The following LRBA variants were observed in gnomAD, a reference collection of about 807,000 sequenced individuals.
LRBA encodes lipopolysaccharide-responsive and beige-like anchor protein.
LRBA carries 176 observed loss-of-function variants against 330.0 expected under a neutral mutation model. That is an observed-to-expected ratio of 0.53 (90% confidence interval 0.47 to 0.60). The LOEUF (loss-of-function observed/expected upper bound fraction) is 0.60, where lower values mean the gene tolerates loss of function less well. LRBA is among the 20% of genes least tolerant of loss of function. The probability of loss-of-function intolerance (pLI) is 0.00; values close to 1 mark genes in which losing one functional copy is unlikely to be tolerated. For missense variants in LRBA, 3,259 were observed against 3,444.8 expected, an observed-to-expected ratio of 0.95 and a Z score of 1.35; for synonymous variants, 1,230 against 1,193.0, an observed-to-expected ratio of 1.03 and a Z score of -0.64.
intron 35 of LRBA, among the ~76,000 whole-genome samples, chr4:150,742,546 T>C (rs550599448): frequency 1.3e-5 from 2 of 152,156 alleles, no homozygotes; most frequent in Non-Finnish European, 2.9e-5. Flanking sequence ...AACAATGACA[T>C]GAACTTACTC....
At chr4:150,330,067 A>T (rs1285814482) in intron 48 of LRBA, among the ~76,000 whole-genome samples, 2 of 152,140 alleles carry the variant, frequency 1.3e-5, no homozygotes, top group Admixed American at 6.5e-5. Flanking sequence ...TCTTCAAGTG[A>T]TTCCAGTAAT....
At chr4:150,368,900 C>T (rs912969609) in intron 47 of LRBA, among the ~76,000 whole-genome samples, 2 of 152,120 alleles carry the variant, frequency 1.3e-5, no homozygotes, top group African/African-American at 2.4e-5. Context: ...GTTTCACTGG[C>T]ACATAGCCTG....
chr4:150,348,039 A>T (rs180931684), intron 48 of LRBA, among the ~76,000 whole-genome samples: 1 of 152,226 alleles, frequency 6.6e-6, no homozygotes, highest in Admixed American at 6.5e-5. Flanking sequence ...TCAATGTACA[A>T]TAACTACATA....
rs552143425 is a variant in LRBA, at chr4:150,775,186, C to T, written c.5581-13339G>A. Among the ~76,000 whole-genome samples the T allele has an allele frequency of 9.9e-5, 15 of 152,206 alleles. No homozygotes were observed. In the South Asian group the frequency reaches 2.1e-3, roughly 21 times the overall value. On this transcript the variant is annotated intron_variant, in intron 34 of 56. Transcript: ENST00000651943. ...GGTCTGATCTACAAAGAAGGGTAGT[C>T]GTAGAGCTCTTCAAGAAAGCTGAGC...
At chr4:150,344,620 G>A (rs1736028049) in intron 48 of LRBA, among the ~76,000 whole-genome samples, 1 of 152,156 alleles carries the variant, frequency 6.6e-6, no homozygotes, top group Non-Finnish European at 1.5e-5. Flanking sequence ...GGAGTGCAAT[G>A]GCAGGATCAT....
intron 56 of LRBA, among the ~76,000 whole-genome samples, chr4:150,269,249 T>G (rs1228859315): frequency 1.3e-5 from 2 of 152,234 alleles, no homozygotes; most frequent in South Asian, 2.1e-4. Flanking sequence ...ATTTGAAAAC[T>G]TACTTACTGT....
intron 40 of LRBA, among the ~76,000 whole-genome samples, chr4:150,500,460 C>G (rs1444261516): frequency 6.6e-6 from 1 of 151,984 alleles, no homozygotes; most frequent in Non-Finnish European, 1.5e-5. Flanking sequence ...GCCTGTAATC[C>G]CAGCTTACTC....
chr4:150,518,985 T>A (rs567738441), intron 40 of LRBA, among the ~76,000 whole-genome samples: 4 of 152,166 alleles, frequency 2.6e-5, no homozygotes, highest in Non-Finnish European at 5.9e-5. Context: ...TAGTCCCACA[T>A]TTGTTAATGC....
chr4:150,715,375 T>C (rs1465910764), intron 36 of LRBA, among the ~76,000 whole-genome samples: 1 of 152,188 alleles, frequency 6.6e-6, no homozygotes, highest in Non-Finnish European at 1.5e-5. Context: ...GCAGTAGTTT[T>C]GTAGCCATAA....
chr4:150,957,770 G>C (rs190843603), intron 2 of LRBA, among the ~76,000 whole-genome samples: 2 of 149,162 alleles, frequency 1.3e-5, no homozygotes, highest in Non-Finnish European at 2.9e-5. Flanking sequence ...CCAAATAGGA[G>C]AAATTGGCCA....
chr4:150,808,422 A>G (rs1308349981), intron 31 of LRBA, 24 bp from the exon 32 acceptor site: 2 of 1,402,062 alleles, frequency 1.4e-6, no homozygotes, highest in East Asian at 2.3e-5. Flanking sequence ...ATAACCATCT[A>G]TAGGAATTTT....
chr4:150,660,869 A>C (rs1781001444), intron 37 of LRBA, among the ~76,000 whole-genome samples: 1 of 117,994 alleles, frequency 8.5e-6, no homozygotes, highest in Non-Finnish European at 1.7e-5. Flanking sequence ...GCTTGAAGGC[A>C]GCATGCTCGT....
intron 37 of LRBA, among the ~76,000 whole-genome samples, chr4:150,665,713 T>C (rs1186052603): frequency 6.6e-6 from 1 of 152,200 alleles, no homozygotes; most frequent in Non-Finnish European, 1.5e-5. Flanking sequence ...ATCCATGTTG[T>C]TATATGCACC....
At chr4:150,612,173 C>T (rs1775336901) in intron 37 of LRBA, among the ~76,000 whole-genome samples, 2 of 151,990 alleles carry the variant, frequency 1.3e-5, no homozygotes, top group African/African-American at 2.4e-5. Flanking sequence ...TCTTAAGATA[C>T]TTTGTAAGTA....
At chr4:150,520,820 A>G (rs990553742) in intron 40 of LRBA, among the ~76,000 whole-genome samples, 2 of 152,138 alleles carry the variant, frequency 1.3e-5, no homozygotes, top group East Asian at 1.9e-4. Flanking sequence ...CTATGTACCT[A>G]TTGGGTAACT....
intron 40 of LRBA, among the ~76,000 whole-genome samples, chr4:150,498,876 T>C (rs957687762): frequency 6.6e-6 from 1 of 152,214 alleles, no homozygotes; most frequent in Non-Finnish European, 1.5e-5. Flanking sequence ...AAAAGATGTA[T>C]GATCTGGTGT....
At chr4:150,798,313 C>T (rs1741098925) in intron 33 of LRBA, among the ~76,000 whole-genome samples, 171 bp from the exon 34 acceptor site, 1 of 152,162 alleles carries the variant, frequency 6.6e-6, no homozygotes, top group Non-Finnish European at 1.5e-5. Flanking sequence ...GGCTTCAAAA[C>T]TACCACCATT....
At chr4:150,849,025 T>G (rs754130160) in intron 25 of LRBA, 27 bp from the exon 26 acceptor site, 1 of 1,483,744 alleles carries the variant, frequency 6.7e-7, no homozygotes. Flanking sequence ...TTGACATTTA[T>G]ATATATATAT....
intron 38 of LRBA, among the ~76,000 whole-genome samples, chr4:150,595,706 C>G (rs1220814637): frequency 6.6e-6 from 1 of 151,872 alleles, no homozygotes; most frequent in Non-Finnish European, 1.5e-5. Flanking sequence ...ATATGAAAAT[C>G]TGGGTTTCAG....
Sources: allele counts gnomAD v4.1 joint callset (sites outside exome capture counted in the v4.1 genomes callset), GRCh38; gene constraint gnomAD v4.1.1; transcripts MANE v1.5; gene names NCBI Gene and HGNC (gene_info 2026-07-23, HGNC 2026-07-21).